SFXN5: variants seen among roughly 807,000 people sequenced by gnomAD.
The protein encoded by SFXN5 is sideroflexin 5.
In SFXN5, 43 loss-of-function variants were observed where a neutral mutation model predicts 50.2. That is an observed-to-expected ratio of 0.86 (90% CI 0.67 to 1.11). SFXN5 has a LOEUF of 1.11. SFXN5 is among the 50% of genes least tolerant of loss of function. SFXN5 has a pLI of 0.00. For missense variants in SFXN5, 463 were observed against 454.1 expected (o/e 1.02, Z -0.18); for synonymous variants, 203 against 185.8 (o/e 1.09, Z -0.75).
At position 72,945,169 on chromosome 2, in the gene SFXN5, G is replaced by C; in HGVS notation, c.946-70C>G. ...GCAAATAGTGGGGCTGGGAGCTGCA[G>C]TGAGGACCACCCTGGGCCCCAGAGC... On this transcript the variant is annotated intron_variant, in intron 13 of 13. Transcript: ENST00000272433. This position sits in a 1 kb window ranked among gnomAD's most constrained non-coding sequence, Gnocchi z 5.8. 7.0e-7 allele frequency: 1 copy of C among 1,434,326 alleles called. No homozygotes were observed. The highest frequency in any genetic ancestry group is 9.7e-7 in the Non-Finnish European group (1 of 1,028,962). The allele number at this position is 1,434,326 out of a possible 1,614,324, so 88.8% of individuals were successfully genotyped here.
intron 5 of SFXN5, among the ~76,000 whole-genome samples, chr2:73,020,593 G>A (rs956905649): frequency 2.0e-5 from 3 of 152,162 alleles, no homozygotes; most frequent in African/African-American, 4.8e-5. Context: ...GATTTCCTGC[G>A]AGGCACGACA....
chr2:73,035,189 G>C (rs762179383), intron 3 of SFXN5, among the ~76,000 whole-genome samples: 3 of 152,146 alleles, frequency 2.0e-5, no homozygotes, highest in Non-Finnish European at 4.4e-5. Context: ...AGCATGCAGC[G>C]AGCGGTGGCT....
At chr2:73,024,109 T>G (rs1677252728) in intron 3 of SFXN5, among the ~76,000 whole-genome samples, 1 of 151,940 alleles carries the variant, frequency 6.6e-6, no homozygotes, top group South Asian at 2.1e-4. Flanking sequence ...CTGCAACCTC[T>G]GTCTCCCGGG....
At chr2:72,959,868 G>A (rs1178683982) in intron 13 of SFXN5, among the ~76,000 whole-genome samples, 3 of 152,184 alleles carry the variant, frequency 2.0e-5, no homozygotes, top group African/African-American at 7.2e-5. Flanking sequence ...TCTTGTTGCG[G>A]CTGTGGACCT....
At chr2:72,971,716 T>G (rs902697498) in intron 10 of SFXN5, 31 bp from the exon 11 acceptor site, 9 of 1,562,322 alleles carry the variant, frequency 5.8e-6, no homozygotes, top group South Asian at 1.1e-5. Flanking sequence ...GAGAGCAGGA[T>G]GAGGAGGAAG....
At chr2:73,063,068 T>C (rs1682933992) in intron 1 of SFXN5, among the ~76,000 whole-genome samples, 1 of 152,202 alleles carries the variant, frequency 6.6e-6, no homozygotes, top group Admixed American at 6.5e-5. Context: ...CCTCACTTTC[T>C]AGTGAGACAT....
intron 9 of SFXN5, among the ~76,000 whole-genome samples, chr2:72,989,311 T>G (rs1026560964): frequency 6.6e-6 from 1 of 152,134 alleles, no homozygotes; most frequent in Non-Finnish European, 1.5e-5. Context: ...GAGTTCCACC[T>G]CCAGTGTCAC....
chr2:73,023,393 A>G (rs1217706838), intron 3 of SFXN5, among the ~76,000 whole-genome samples, 179 bp from the exon 4 acceptor site: 3 of 152,084 alleles, frequency 2.0e-5, no homozygotes. Context: ...GGGTGACATC[A>G]GAGAGTAAGG....
intron 6 of SFXN5, among the ~76,000 whole-genome samples, chr2:73,002,758 A>G (rs189964888): frequency 2.0e-3 from 299 of 152,346 alleles, no homozygotes; most frequent in African/African-American, 6.8e-3. Context: ...CCATAGCTCC[A>G]ACGAGGAATT....
chr2:73,042,402 C>T (rs867889869), intron 2 of SFXN5: 1 of 152,212 alleles, frequency 6.6e-6, no homozygotes, highest in South Asian at 2.1e-4. Context: ...ATCCCGCGGT[C>T]AGGAGTTCAA....
chr2:73,003,995 TATC>T (rs1189907499), intron 6 of SFXN5, among the ~76,000 whole-genome samples: 1 of 152,218 alleles, frequency 6.6e-6, no homozygotes, highest in Non-Finnish European at 1.5e-5. Flanking sequence ...GCATTTCACT[TATC>T]ATAATCCTCA....
intron 2 of SFXN5, chr2:73,041,593 G>A (rs1243519659): frequency 2.5e-6 from 1 of 405,092 alleles, no homozygotes; most frequent in Non-Finnish European, 5.0e-6. Flanking sequence ...AGGAGGCTGA[G>A]GCAGGAAAAT....
intron 2 of SFXN5, chr2:73,044,745 A>G (rs6732369): frequency 0.36 from 54,651 of 152,292 alleles, 12,276 homozygotes; most frequent in African/African-American, 0.63. Flanking sequence ...CTTACCAAAC[A>G]CTACTCCATC....
At chr2:72,999,890 C>CA (rs772648747) in intron 8 of SFXN5, among the ~76,000 whole-genome samples, 5 of 152,148 alleles carry the variant, frequency 3.3e-5, no homozygotes, top group Non-Finnish European at 7.3e-5. Context: ...CCTTCCTGGA[C>CA]AACAGAAGGG....
intron 1 of SFXN5, among the ~76,000 whole-genome samples, chr2:73,069,586 C>T (rs1683425621): frequency 6.6e-6 from 1 of 152,200 alleles, no homozygotes; most frequent in Middle Eastern, 3.4e-3. Context: ...AGGAGGGGAG[C>T]TTCAAAAGTG....
At chr2:72,999,676 C>G (rs1673662510) in intron 8 of SFXN5, among the ~76,000 whole-genome samples, 2 of 152,128 alleles carry the variant, frequency 1.3e-5, no homozygotes, top group Admixed American at 1.3e-4. Flanking sequence ...CAGGGGGCAG[C>G]CACAGCATAT....
chr2:73,028,595 C>T (rs1677898308), intron 3 of SFXN5, among the ~76,000 whole-genome samples: 1 of 152,164 alleles, frequency 6.6e-6, no homozygotes, highest in Non-Finnish European at 1.5e-5. Context: ...AGAGAGAAAA[C>T]TCAGAAAGGA....
chr2:73,004,646 T>C (rs771575199), intron 6 of SFXN5, among the ~76,000 whole-genome samples: 2 of 147,094 alleles, frequency 1.4e-5, no homozygotes, highest in African/African-American at 2.5e-5. Flanking sequence ...CCAGAGGGAG[T>C]GTGGAGAGGG....
At chr2:73,019,670 T>G (rs922147953) in intron 6 of SFXN5, 1 of 152,752 alleles carries the variant, frequency 6.5e-6, no homozygotes, top group African/African-American at 2.4e-5. Context: ...CCTCATGATC[T>G]GCCTGCCTTG....
Sources: allele counts gnomAD v4.1 joint callset (sites outside exome capture counted in the v4.1 genomes callset), GRCh38; gene constraint gnomAD v4.1.1; non-coding constraint Gnocchi (gnomAD v3.1); transcripts MANE v1.5; gene names NCBI Gene and HGNC (gene_info 2026-07-23, HGNC 2026-07-21).